Variants in NEDD4L observed in about 807,000 individuals in gnomAD.
NEDD4L encodes the protein NEDD4 like E3 ubiquitin protein ligase, also known as E3 ubiquitin-protein ligase NEDD4-like.
Under a neutral mutation model 148.9 loss-of-function variants are expected in NEDD4L, and 54 were observed. The observed-to-expected ratio is 0.36, with a 90% CI of 0.29 to 0.45. The LOEUF (loss-of-function observed/expected upper bound fraction) is 0.45. NEDD4L is among the 20% of genes least tolerant of loss of function. The pLI is 1.00. For missense variants in NEDD4L, 856 were observed against 1,233.8 expected (o/e 0.69, Z 4.59); for synonymous variants, 433 against 440.7 (o/e 0.98, Z 0.22).
intron 1 of NEDD4L, among the ~76,000 whole-genome samples, chr18:58,093,102 C>G (rs953892395): frequency 1.3e-5 from 2 of 152,048 alleles, no homozygotes; most frequent in Non-Finnish European, 2.9e-5. Context: ...TGGACAGATT[C>G]TTTTTTAAGG....
chr18:58,181,330 A>G (rs1303781101), intron 2 of NEDD4L, among the ~76,000 whole-genome samples: 1 of 152,232 alleles, frequency 6.6e-6, no homozygotes, highest in Non-Finnish European at 1.5e-5. Flanking sequence ...TTCATTTCAT[A>G]TGGTCCCAGA....
chr18:58,055,120 A>G (rs1351201670), intron 1 of NEDD4L, among the ~76,000 whole-genome samples: 8 of 152,174 alleles, frequency 5.3e-5, no homozygotes, highest in Admixed American at 2.6e-4. Flanking sequence ...AAGACAGTGG[A>G]TCCAGTAGAA....
At chr18:58,180,677 T>C (rs528781310) in intron 2 of NEDD4L, among the ~76,000 whole-genome samples, 2 of 152,384 alleles carry the variant, frequency 1.3e-5, no homozygotes, top group South Asian at 4.1e-4. Context: ...TCTGTAGGTT[T>C]AGGACATTCT....
At chr18:58,327,885 C>G (rs2059441795) in intron 9 of NEDD4L, among the ~76,000 whole-genome samples, 1 of 151,784 alleles carries the variant, frequency 6.6e-6, no homozygotes, top group Non-Finnish European at 1.5e-5. Flanking sequence ...CACTAAAAGC[C>G]TCTGACTAGT....
At chr18:58,045,788 G>A (rs929849128) in intron 1 of NEDD4L, 1 of 152,208 alleles carries the variant, frequency 6.6e-6, no homozygotes, top group African/African-American at 2.4e-5. Flanking sequence ...TCAGCAGGGA[G>A]GTATTTCCTA....
At chr18:58,383,385 T>G (rs2048593104) in intron 25 of NEDD4L, 66 bp downstream of exon 25, 1 of 881,086 alleles carries the variant, frequency 1.1e-6, no homozygotes, top group African/African-American at 1.7e-5. Context: ...TCACTGTCCC[T>G]TGCTGAAACA....
At chr18:58,223,533 A>G (rs910305688) in intron 2 of NEDD4L, among the ~76,000 whole-genome samples, 3 of 151,832 alleles carry the variant, frequency 2.0e-5, no homozygotes, top group Non-Finnish European at 4.4e-5. Flanking sequence ...GTTGTTTGGG[A>G]TTTTTATGTT....
chr18:58,353,777 A>C (rs927135926), intron 18 of NEDD4L, among the ~76,000 whole-genome samples: 1 of 152,210 alleles, frequency 6.6e-6, no homozygotes, highest in African/African-American at 2.4e-5. Flanking sequence ...AAAACTCAGC[A>C]TCTGATTTTG....
chr18:58,384,023 G>C (rs1231804046), intron 25 of NEDD4L, among the ~76,000 whole-genome samples: 1 of 152,122 alleles, frequency 6.6e-6, no homozygotes, highest in African/African-American at 2.4e-5. Context: ...GCAGTGTGTG[G>C]TTCCTGGCAC....
chr18:58,276,952 A>G (rs1443377792), intron 5 of NEDD4L, among the ~76,000 whole-genome samples: 1 of 152,054 alleles, frequency 6.6e-6, no homozygotes, highest in Non-Finnish European at 1.5e-5. Context: ...CTGTTGATCA[A>G]ACATTTCTGT....
At chr18:58,165,962 C>G in intron 2 of NEDD4L, 101 bp downstream of exon 2, 2 of 960,568 alleles carry the variant, frequency 2.1e-6, no homozygotes, top group Middle Eastern at 2.1e-4. Flanking sequence ...CTTCTTAAGA[C>G]AAAGCTGGCT....
At chr18:58,343,500 A>G (rs1004329509) in intron 16 of NEDD4L, among the ~76,000 whole-genome samples, 4 of 152,158 alleles carry the variant, frequency 2.6e-5, no homozygotes, top group Admixed American at 2.6e-4. Context: ...TTTCATTGGC[A>G]TTACCCACCT....
intron 5 of NEDD4L, among the ~76,000 whole-genome samples, chr18:58,295,562 A>G (rs1000660652): frequency 2.0e-5 from 3 of 152,330 alleles, no homozygotes; most frequent in Non-Finnish European, 4.4e-5. Flanking sequence ...TAAAGCTGCT[A>G]TGAGCTTTTT....
Position 58,217,601 on chromosome 18 carries a change from G to A in NEDD4L, c.123-27826G>A, listed in dbSNP as rs573084700. Among the ~76,000 whole-genome samples the A allele has an allele frequency of 4.6e-5, 7 of 152,188 alleles. No homozygotes were observed. In the East Asian group the frequency reaches 5.8e-4, roughly 13 times the overall value. ...AGTGATCCTCCTGTCTTAGCCCCAC[G>A]AGTAGCTGGTATTACAGGTCCATGC... On this transcript the variant is annotated intron_variant, in intron 2 of 30. Transcript: ENST00000400345.
At chr18:58,241,957 A>G (rs1409529368) in intron 2 of NEDD4L, among the ~76,000 whole-genome samples, 1 of 152,032 alleles carries the variant, frequency 6.6e-6, no homozygotes, top group Admixed American at 6.5e-5. Flanking sequence ...AGTCATATTC[A>G]TGCTAGCCCT....
chr18:58,262,241 T>C (rs1246167201), intron 5 of NEDD4L, among the ~76,000 whole-genome samples: 1 of 152,204 alleles, frequency 6.6e-6, no homozygotes, highest in Admixed American at 6.5e-5. Context: ...TCTGGGCAGG[T>C]GGAGATTATT....
chr18:58,045,487 G>A (rs905352838), intron 1 of NEDD4L: 3 of 191,734 alleles, frequency 1.6e-5, no homozygotes, highest in African/African-American at 6.9e-5. Context: ...CCAGGCGGTC[G>A]GTTTCACTGG....
chr18:58,095,923 T>C (rs948967793), intron 1 of NEDD4L, among the ~76,000 whole-genome samples: 1 of 118,420 alleles, frequency 8.4e-6, no homozygotes, highest in East Asian at 2.0e-4. Context: ...TTTTGTGTGA[T>C]TTTTTTTTTT....
intron 2 of NEDD4L, among the ~76,000 whole-genome samples, chr18:58,228,794 G>T (rs1166458634): frequency 6.6e-6 from 1 of 152,122 alleles, no homozygotes; most frequent in Non-Finnish European, 1.5e-5. Context: ...TGAGCGTTGG[G>T]GAGTATCCAC....
Sources: gnomAD v4.1 joint callset for allele counts (sites outside exome capture counted in the v4.1 genomes callset) on GRCh38, gnomAD v4.1.1 for gene constraint, MANE v1.5 for transcripts, NCBI Gene and HGNC (gene_info 2026-07-23, HGNC 2026-07-21) for gene names.